Variants in CLIP1 observed in about 807,000 individuals in gnomAD.
CLIP1 encodes the protein CAP-Gly domain-containing linker protein 1.
CLIP1 carries 66 observed loss-of-function variants against 161.6 expected under a neutral mutation model. That is an observed-to-expected ratio of 0.41 (90% CI 0.33 to 0.50). The LOEUF is 0.50. Ranked by LOEUF, CLIP1 falls within the 20% of genes least tolerant of loss-of-function variation. The probability of loss-of-function intolerance (pLI) is 0.27; values close to 1 mark genes in which losing one functional copy is unlikely to be tolerated. For missense variants in CLIP1, 1,376 were observed against 1,702.0 expected (o/e 0.81, Z 3.37); for synonymous variants, 598 against 626.2 (o/e 0.96, Z 0.67).
At chr12:122,316,509 A>G (rs1436602129) in intron 19 of CLIP1, among the ~76,000 whole-genome samples, 1 of 151,968 alleles carries the variant, frequency 6.6e-6, no homozygotes, top group Non-Finnish European at 1.5e-5. Flanking sequence ...CACCCACCCC[A>G]AAGTCACATC....
intron 24 of CLIP1, chr12:122,276,668 G>A: frequency 6.1e-6 from 2 of 326,664 alleles, no homozygotes; most frequent in Non-Finnish European, 5.8e-6. Flanking sequence ...AATATAAAAT[G>A]TGGCTTTTGT....
intron 1 of CLIP1, among the ~76,000 whole-genome samples, chr12:122,383,022 C>T (rs914105506): frequency 6.6e-6 from 1 of 152,176 alleles, no homozygotes; most frequent in African/African-American, 2.4e-5. Context: ...CTGCCTCAGA[C>T]AGATAGAAGG....
At chr12:122,275,196 T>C (rs1014517057) in intron 24 of CLIP1, 3 of 152,146 alleles carry the variant, frequency 2.0e-5, no homozygotes, top group Admixed American at 6.5e-5. Flanking sequence ...GGAGTGCTAT[T>C]GATTCATGAA....
chr12:122,316,020 T>TCCCCCTATAAA lies in CLIP1; in HGVS notation c.3473+728_3473+729insTTTATAGGGGG, dbSNP rs1951254027. 2.0e-5 allele frequency among the ~76,000 whole-genome samples: 3 copies of TCCCCCTATAAA among 152,094 alleles called. No homozygotes were observed. The South Asian group carries it at 6.2e-4, about 32-fold the overall frequency. On this transcript the variant is annotated intron_variant, in intron 19 of 25. Transcript: ENST00000620786. ...TTTTTTCCCCCTATAAAAAGAGTTT[T>TCCCCCTATAAA]GAGGGACTTGCTAATGAAGGGTCTG...
Position 122,341,583 on chromosome 12 carries a change from C to A in CLIP1, c.1621G>T (p.Asp541Tyr), listed in dbSNP as rs754293605. ...AAAAGGGAAAGTGACATGTCCACAT[C>A]CCCAGCAGGCTTATTGGACTCTAGC... Reference protein sequence around the residue: ...RRLESNKPAGDVDMSLSLLQE... With the variant: ...RRLESNKPAGYVDMSLSLLQE... The change falls in exon 11 of 26, where the codon GAT becomes TAT. Residue 541 changes from aspartate to tyrosine, a missense_variant. Coordinates refer to ENST00000620786, the MANE Select transcript of CLIP1 (RefSeq NM_001247997.2). 9 of 1,613,740 alleles carry A rather than the reference C, an allele frequency of 5.6e-6. No homozygotes were observed. In the African/African-American group the frequency reaches 1.1e-4, roughly 19 times the overall value.
At chr12:122,293,002 C>CAAAAAAAAAAAAAAAAAAA (rs57326141) in intron 20 of CLIP1, among the ~76,000 whole-genome samples, 6 of 43,574 alleles carry the variant, frequency 1.4e-4, no homozygotes, top group African/African-American at 5.7e-4. Context: ...GACTCTGTCT[C>CAAAAAAAAAAAAAAAAAAA]AAAAAAAAAA....
chr12:122,289,785 T>C (rs1214406296), intron 20 of CLIP1, among the ~76,000 whole-genome samples: 2 of 151,450 alleles, frequency 1.3e-5, no homozygotes, highest in African/African-American at 2.4e-5. Context: ...ATACCACCAG[T>C]TTCAACTCAC....
Position 122,272,730 on chromosome 12 carries a change from T to C in CLIP1, c.*145A>G. ...TACGGGGAGACTAAAGGGCAATTTG[T>C]TGAAGATCAAAATATTTTCCTAGAT... On this transcript the variant is annotated 3_prime_UTR_variant, in exon 26 of 26. Coordinates refer to ENST00000620786, the MANE Select transcript of CLIP1 (RefSeq NM_001247997.2). The C allele has an allele frequency of 1.4e-6, 1 of 690,124 alleles. No individual in the cohort carries two copies. Among genetic ancestry groups the C allele is most frequent in the Non-Finnish European group, 2.5e-6 (1 of 397,176 alleles). The allele number at this position is 690,124 out of a possible 1,614,324, so 42.8% of individuals were successfully genotyped here. A position where few individuals can be genotyped will look rare whatever the true frequency, so the allele number is the denominator to read the frequency against.
At chr12:122,351,186 G>C (rs1180100207) in intron 8 of CLIP1, 43 bp from the exon 9 acceptor site, 5 of 1,245,268 alleles carry the variant, frequency 4.0e-6, no homozygotes, top group Non-Finnish European at 5.4e-6. Context: ...CAACAAAAAA[G>C]AGATTCCAAT....
Position 122,406,328 on chromosome 12 carries a change from C to G in CLIP1, c.-107+16193G>C, listed in dbSNP as rs1956328330. ...AGGCGTGGTGGTGCGTGCCTGTGGT[C>G]CCACAGAGTGAGACCTTGTCTCAAA... On this transcript the variant is annotated intron_variant, in intron 1 of 25. Coordinates refer to ENST00000620786, the MANE Select transcript of CLIP1 (RefSeq NM_001247997.2). 2.6e-5 allele frequency among the ~76,000 whole-genome samples: 4 copies of G among 152,084 alleles called. No individual in the cohort carries two copies. In the South Asian group the frequency reaches 8.3e-4, roughly 32 times the overall value.
At chr12:122,357,828 C>T (rs570292541) in intron 5 of CLIP1, among the ~76,000 whole-genome samples, 262 of 150,890 alleles carry the variant, frequency 1.7e-3, no homozygotes, top group Non-Finnish European at 2.6e-3. Context: ...GGGGTCAGCC[C>T]CCCGCCCGGC....
intron 15 of CLIP1, 149 bp from the exon 16 acceptor site, chr12:122,328,575 G>C (rs1951801802): frequency 1.1e-5 from 4 of 349,628 alleles, no homozygotes; most frequent in Non-Finnish European, 4.6e-6. Flanking sequence ...ATTTTGTTTT[G>C]TTTTGTTTTG....
intron 20 of CLIP1, among the ~76,000 whole-genome samples, chr12:122,300,934 T>C (rs949366527): frequency 1.3e-5 from 2 of 152,192 alleles, no homozygotes; most frequent in Admixed American, 6.5e-5. Context: ...GGACACAGTA[T>C]CACTTATATA....
Position 122,354,743 on chromosome 12 carries a change from G to C in CLIP1, c.1204-187C>G, listed in dbSNP as rs903504506. ...TTCCTGGAAGATAGATGATGAAAGT[G>C]ATAAAGAACAATGTTAAAACACCTC... On this transcript the variant is annotated intron_variant, in intron 6 of 25. Transcript: ENST00000620786. 3 of 588,322 alleles carry C rather than the reference G, an allele frequency of 5.1e-6. No individual in the cohort carries two copies. The African/African-American group carries it at 5.6e-5, about 11-fold the overall frequency. The allele number at this position is 588,322 out of a possible 1,614,324, so 36.4% of individuals were successfully genotyped here.
intron 1 of CLIP1, among the ~76,000 whole-genome samples, chr12:122,405,503 TAGC>T (rs777956470): frequency 6.6e-6 from 1 of 152,038 alleles, no homozygotes; most frequent in Non-Finnish European, 1.5e-5. Context: ...AAAAAGCAAA[TAGC>T]AGCCAGGCGC....
At chr12:122,386,766 G>A (rs535501224) in intron 1 of CLIP1, among the ~76,000 whole-genome samples, 20 of 149,870 alleles carry the variant, frequency 1.3e-4, no homozygotes, top group Admixed American at 2.0e-4. Context: ...TTGAGAAGCC[G>A]AGGCAGGAGG....
rs760460230 is a variant in CLIP1 at position 122,341,325 on chromosome 12, G to A, written c.1879C>T (p.Leu627=). ...SDVIALWKSK[L]ETAIASHQQA... is the part of the protein sequence containing the mutation. ...TGGTGGGATGCGATGGCAGTCTCCA[G>A]TTTGGACTTCCATAGAGCTATCACA... The change falls in exon 11 of 26, where the codon CTG becomes TTG. Residue 627 remains leucine (L), a synonymous_variant. Transcript: ENST00000620786. 1.9e-6 allele frequency: 3 copies of A among 1,614,040 alleles called. No individual in the cohort carries two copies. The highest frequency in any genetic ancestry group is 3.3e-5 in the Admixed American group (2 of 60,014).
At chr12:122,352,861 A>C in intron 7 of CLIP1, 75 bp from the exon 8 acceptor site, 3 of 1,267,036 alleles carry the variant, frequency 2.4e-6, no homozygotes, top group African/African-American at 1.5e-5. Flanking sequence ...AAACAAACAA[A>C]CAAAAAAACA....
intron 17 of CLIP1, among the ~76,000 whole-genome samples, chr12:122,321,430 G>C (rs1593061910): frequency 6.6e-6 from 1 of 152,052 alleles, no homozygotes; most frequent in Non-Finnish European, 1.5e-5. Context: ...ATTTTTAGTA[G>C]AGACAGGGTT....
Sources: gnomAD v4.1 joint callset for allele counts (sites outside exome capture counted in the v4.1 genomes callset) on GRCh38, gnomAD v4.1.1 for gene constraint, MANE v1.5 for transcripts, NCBI Gene and HGNC (gene_info 2026-07-23, HGNC 2026-07-21) for gene names.